ADAMTS12: variants seen among roughly 807,000 people sequenced by gnomAD.
ADAMTS12 encodes the protein ADAM metallopeptidase with thrombospondin type 1 motif 12, also known as A disintegrin and metalloproteinase with thrombospondin motifs 12.
Under a neutral mutation model 167.8 loss-of-function variants are expected in ADAMTS12, and 118 were observed. That is an observed-to-expected ratio of 0.70 (90% CI 0.61 to 0.82). The LOEUF is 0.82. Ranked by LOEUF, ADAMTS12 falls within the 40% of genes least tolerant of loss-of-function variation. The pLI is 0.00. For synonymous variants in ADAMTS12, 704 were observed against 716.9 expected, an observed-to-expected ratio of 0.98 and a Z score of 0.29; for missense variants, 1,916 against 1,998.8, an observed-to-expected ratio of 0.96 and a Z score of 0.79.
intron 20 of ADAMTS12, among the ~76,000 whole-genome samples, chr5:33,551,099 A>G (rs1745237532): frequency 6.6e-6 from 1 of 152,152 alleles, no homozygotes; most frequent in African/African-American, 2.4e-5. Flanking sequence ...AGGGTAAAAG[A>G]CCATGCTGTC....
Position 33,546,134 on chromosome 5 carries a change from C to G in ADAMTS12, c.4371G>C (p.Trp1457Cys), listed in dbSNP as rs764722747. The G allele has an allele frequency of 6.2e-7, 1 of 1,613,906 alleles. No homozygotes were observed. The highest frequency in any genetic ancestry group is 1.1e-5 in the South Asian group (1 of 91,064). ...GVFCPGGLCD[W>C]TKRPTSTMSC... is the part of the protein sequence containing the mutation. The stretch of plus-strand genomic sequence containing the variant: ...ACATGGTGGATGTGGGTCTTTTTGT[C>G]CAATCACAGAGGCCTCCTGGACAGA... Residue 1457 changes from tryptophan (W) to cysteine (C), a missense_variant, in exon 22 of 24, where the codon TGG (tryptophan) becomes TGC (cysteine). Transcript: ENST00000504830.
intron 2 of ADAMTS12, among the ~76,000 whole-genome samples, chr5:33,769,178 A>G (rs1340140766): frequency 6.6e-6 from 1 of 152,138 alleles, no homozygotes; most frequent in Non-Finnish European, 1.5e-5. Flanking sequence ...ACTAACTCCC[A>G]AGAGTGTCAC....
intron 2 of ADAMTS12, among the ~76,000 whole-genome samples, chr5:33,785,433 C>T (rs1746291814): frequency 6.6e-6 from 1 of 152,014 alleles, no homozygotes; most frequent in Non-Finnish European, 1.5e-5. Context: ...AAAAGACTTG[C>T]ATTCAGAGTG....
intron 19 of ADAMTS12, among the ~76,000 whole-genome samples, chr5:33,573,331 G>A (rs1274683844): frequency 4.6e-5 from 7 of 152,190 alleles, no homozygotes; most frequent in African/African-American, 9.6e-5. Flanking sequence ...GAGGCATCAC[G>A]CTACCTGACT....
At chr5:33,535,825 A>C (rs527375239) in intron 22 of ADAMTS12, among the ~76,000 whole-genome samples, 1 of 152,032 alleles carries the variant, frequency 6.6e-6, no homozygotes, top group Admixed American at 6.6e-5. Context: ...GGAGGGAAAG[A>C]CCCCAGTGGC....
In ADAMTS12 at chr5:33,527,093, A is replaced by T; in HGVS notation, c.*95T>A. 6.8e-7 allele frequency: 1 copy of T among 1,462,140 alleles called. No homozygotes were observed. The highest frequency in any genetic ancestry group is 2.3e-5 in the East Asian group (1 of 43,804). 90.6% of individuals were successfully genotyped at this position (1,462,140 alleles called of 1,614,324 possible). On this transcript the variant is annotated 3_prime_UTR_variant, in exon 24 of 24. Coordinates refer to ENST00000504830, the MANE Select transcript of ADAMTS12 (RefSeq NM_030955.4). Reference sequence around the variant, plus strand: ...TGACCCAAAGCTGAATCTGAAATATATGAAGCAAAACCTCAACGAAGCAGC... The same window carrying T: ...TGACCCAAAGCTGAATCTGAAATATTTGAAGCAAAACCTCAACGAAGCAGC...
In ADAMTS12 at chr5:33,598,037, C is replaced by T. The variant is rs1003570896; in HGVS notation, c.2528-1977G>A. 4.6e-5 allele frequency among the ~76,000 whole-genome samples: 7 copies of T among 152,148 alleles called. No individual in the cohort carries two copies. The East Asian group carries it at 5.8e-4, about 13-fold the overall frequency. Reference sequence around the variant, plus strand: ...ACAAAACCTTACATAAAATCCCCTTCGGAAAGTTAATAACATGGCATGGGT... The same window carrying T: ...ACAAAACCTTACATAAAATCCCCTTTGGAAAGTTAATAACATGGCATGGGT... On this transcript the variant is annotated intron_variant, in intron 16 of 23. Coordinates refer to ENST00000504830, the MANE Select transcript of ADAMTS12 (RefSeq NM_030955.4).
At chr5:33,623,213 C>G (rs1579761915) in intron 14 of ADAMTS12, among the ~76,000 whole-genome samples, 1 of 152,132 alleles carries the variant, frequency 6.6e-6, no homozygotes, top group Non-Finnish European at 1.5e-5. Flanking sequence ...CTATCACTTC[C>G]TGTCCTGGGC....
chr5:33,615,119 T>C (rs554620741), intron 15 of ADAMTS12, among the ~76,000 whole-genome samples: 9 of 152,196 alleles, frequency 5.9e-5, no homozygotes, highest in Admixed American at 1.3e-4. Context: ...ATTGGATTGG[T>C]TGCTCCCTGG....
Position 33,561,231 on chromosome 5 carries a change from C to T in ADAMTS12, c.3973-52G>A, listed in dbSNP as rs1270405883. The T allele has an allele frequency of 2.5e-6, 4 of 1,588,940 alleles. No homozygotes were observed. The African/African-American group carries it at 4.0e-5, about 16-fold the overall frequency. ...AGAGGCTGAGTGTCACCTTCTCACA[C>T]ATGCCCCATCACTGGGATCCTGGAG... is the stretch of plus-strand genomic sequence containing the variant. On this transcript the variant is annotated intron_variant, in intron 19 of 23. Coordinates refer to ENST00000504830, the MANE Select transcript of ADAMTS12 (RefSeq NM_030955.4).
intron 2 of ADAMTS12, among the ~76,000 whole-genome samples, chr5:33,816,808 G>T (rs1234046455): frequency 6.6e-6 from 1 of 152,126 alleles, no homozygotes; most frequent in Non-Finnish European, 1.5e-5. Context: ...GAGTGAGTAG[G>T]ATTGTTCTGA....
intron 3 of ADAMTS12, among the ~76,000 whole-genome samples, chr5:33,705,805 T>C (rs1298199308): frequency 1.3e-5 from 2 of 151,474 alleles, no homozygotes; most frequent in African/African-American, 4.9e-5. Context: ...CAAGACTCTG[T>C]TTCAAAAAAT....
chr5:33,793,695 G>C (rs368920381), intron 2 of ADAMTS12, among the ~76,000 whole-genome samples: 26 of 152,174 alleles, frequency 1.7e-4, no homozygotes, highest in African/African-American at 6.3e-4. Context: ...CAGGGAAGTG[G>C]GGGAAAGCCG....
intron 2 of ADAMTS12, among the ~76,000 whole-genome samples, chr5:33,859,515 G>C (rs1749525253): frequency 6.6e-6 from 1 of 152,238 alleles, no homozygotes; most frequent in Non-Finnish European, 1.5e-5. Context: ...CCAGTCAGGG[G>C]CTTATAGATA....
intron 2 of ADAMTS12, among the ~76,000 whole-genome samples, chr5:33,786,502 A>C (rs1561271026): frequency 6.6e-6 from 1 of 152,096 alleles, no homozygotes; most frequent in Non-Finnish European, 1.5e-5. Context: ...CCTCCGTGGA[A>C]TAAATATTAG....
chr5:33,855,739 T>C (rs1313398399), intron 2 of ADAMTS12, among the ~76,000 whole-genome samples: 1 of 152,176 alleles, frequency 6.6e-6, no homozygotes, highest in Non-Finnish European at 1.5e-5. Context: ...TGTTGTTGTT[T>C]TTGAGACAGG....
At chr5:33,699,804 C>A (rs992419728) in intron 3 of ADAMTS12, among the ~76,000 whole-genome samples, 1 of 152,034 alleles carries the variant, frequency 6.6e-6, no homozygotes, top group African/African-American at 2.4e-5. Flanking sequence ...AAAATGTTTT[C>A]AAACTATATA....
intron 2 of ADAMTS12, among the ~76,000 whole-genome samples, chr5:33,870,702 G>A (rs1750005938): frequency 1.3e-5 from 2 of 152,162 alleles, no homozygotes; most frequent in Non-Finnish European, 2.9e-5. Context: ...TTGGTGGAGG[G>A]GACTGATGGG....
chr5:33,783,947 T>C (rs1298391085), intron 2 of ADAMTS12, among the ~76,000 whole-genome samples: 1 of 151,804 alleles, frequency 6.6e-6, no homozygotes, highest in Non-Finnish European at 1.5e-5. Context: ...AATAAGGATA[T>C]AAAAATTTCA....
Sources: allele counts gnomAD v4.1 joint callset (sites outside exome capture counted in the v4.1 genomes callset), GRCh38; gene constraint gnomAD v4.1.1; transcripts MANE v1.5; gene names NCBI Gene and HGNC (gene_info 2026-07-23, HGNC 2026-07-21).